RBFOX3: variants seen among roughly 807,000 people sequenced by gnomAD.
RBFOX3 encodes the protein RNA binding fox-1 homolog 3.
In RBFOX3, 17 loss-of-function variants were observed where a neutral mutation model predicts 48.7. That is an observed-to-expected ratio of 0.35 (90% CI 0.24 to 0.52). RBFOX3 has a LOEUF of 0.52. Ranked by LOEUF, RBFOX3 falls within the 20% of genes least tolerant of loss-of-function variation. The pLI is 0.94. For missense variants in RBFOX3, 382 were observed against 497.5 expected (o/e 0.77, Z 2.21); for synonymous variants, 212 against 209.5 (o/e 1.01, Z -0.10).
rs189677332 is a variant in RBFOX3, at chr17:79,286,540, G to T, written c.-74+21184C>A. On this transcript the variant is annotated intron_variant, in intron 3 of 14. Transcript: ENST00000693108. Reference sequence around the variant, plus strand: ...CCCCTGATGCTTATTAACTGTGCAGGGAGGGTTTGCCCATCCCTGGGCTGG... The same window carrying T: ...CCCCTGATGCTTATTAACTGTGCAGTGAGGGTTTGCCCATCCCTGGGCTGG... Among the ~76,000 whole-genome samples the T allele has an allele frequency of 3.1e-3, 473 of 152,326 alleles. 2 individuals are homozygous for T. Among genetic ancestry groups the T allele is most frequent in the African/African-American group, 0.011 (449 of 41,586 alleles).
At chr17:79,501,997 G>C in intron 1 of RBFOX3, among the ~76,000 whole-genome samples, 1 of 152,150 alleles carries the variant, frequency 6.6e-6, no homozygotes, top group East Asian at 1.9e-4. Flanking sequence ...ACCCGGCCAG[G>C]GTGAAGTGGA....
intron 3 of RBFOX3, among the ~76,000 whole-genome samples, chr17:79,301,747 C>T (rs1268087719): frequency 6.6e-6 from 1 of 152,180 alleles, no homozygotes; most frequent in African/African-American, 2.4e-5. Context: ...GGTTCCCCCA[C>T]CCATACGTTG....
At chr17:79,627,904 G>A in the RBFOX3 span, among the ~76,000 whole-genome samples, 12 of 152,082 alleles carry the variant, frequency 7.9e-5, no homozygotes, top group East Asian at 3.9e-4. Flanking sequence ...AAGTACAAGC[G>A]TAGACAAAAG....
At chr17:79,237,925 C>T (rs1023680164) in intron 3 of RBFOX3, among the ~76,000 whole-genome samples, 1 of 108,596 alleles carries the variant, frequency 9.2e-6, no homozygotes, top group African/African-American at 3.5e-5. Context: ...CTGCTGCCTT[C>T]GTTAATTTGG....
Position 79,567,892 on chromosome 17 carries a change from A to C in RBFOX3, c.-320+42934T>G. 1.3e-5 allele frequency among the ~76,000 whole-genome samples: 2 copies of C among 152,206 alleles called. 1 individual carries two copies. The highest frequency in any genetic ancestry group is 4.8e-5 in the African/African-American group (2 of 41,446). On this transcript the variant is annotated intron_variant, in intron 1 of 14. Transcript: ENST00000693108. ...TCAACACATTCAGAATTTGAAAATC[A>C]ATTTGAAATTCATATAAAAGAACCT... is the stretch of plus-strand genomic sequence containing the variant.
In RBFOX3 at chr17:79,217,001, C is replaced by T. The variant is rs528437485; in HGVS notation, c.-34+18765G>A. On this transcript the variant is annotated intron_variant, in intron 4 of 14. Transcript: ENST00000693108. ...TATCCCCAGGTGAAACATCCGAAGGCAGAGATACCCCCAAAGCAGGCAGGG... is the reference window on the plus strand; with the variant it reads ...TATCCCCAGGTGAAACATCCGAAGGTAGAGATACCCCCAAAGCAGGCAGGG... Among the ~76,000 whole-genome samples the T allele has an allele frequency of 1.2e-4, 19 of 152,310 alleles. No individual in the cohort carries two copies. The East Asian group carries it at 3.7e-3, about 29-fold the overall frequency.
In RBFOX3 at chr17:79,303,135, G is replaced by A. The variant is rs564139838; in HGVS notation, c.-74+4589C>T. 3.4e-3 allele frequency among the ~76,000 whole-genome samples: 519 copies of A among 152,304 alleles called. 4 individuals carry two copies. Among genetic ancestry groups the A allele is most frequent in the Middle Eastern group, 0.02 (6 of 294 alleles). ...GAGGTCGGAGGATCGCTTGGGCCTA[G>A]GGGTAGAGGCTGTAGTAAGCCTTAA... On this transcript the variant is annotated intron_variant, in intron 3 of 14. Transcript: ENST00000693108.
chr17:79,404,645 G>A (rs2063314356), intron 2 of RBFOX3, among the ~76,000 whole-genome samples: 1 of 146,126 alleles, frequency 6.8e-6, no homozygotes, highest in Admixed American at 6.9e-5. Flanking sequence ...CTAGCTTCTG[G>A]CCCTCCTCAC....
intron 1 of RBFOX3, among the ~76,000 whole-genome samples, chr17:79,534,502 G>A (rs1480101319): frequency 6.6e-6 from 1 of 152,214 alleles, no homozygotes; most frequent in Non-Finnish European, 1.5e-5. Context: ...TGAAATGGGA[G>A]CTCTGTGGGG....
chr17:79,257,033 C>G (rs953634631), intron 3 of RBFOX3, among the ~76,000 whole-genome samples: 6 of 152,166 alleles, frequency 3.9e-5, no homozygotes, highest in African/African-American at 1.4e-4. Flanking sequence ...TGGACTCCTG[C>G]TGTCTCTCCA....
At chr17:79,106,010 C>T (rs2077286137) in intron 6 of RBFOX3, among the ~76,000 whole-genome samples, 2 of 152,238 alleles carry the variant, frequency 1.3e-5, no homozygotes, top group African/African-American at 4.8e-5. Context: ...CCTGCACGTT[C>T]TCACGGTGAC....
chr17:79,261,416 T>C (rs749495451), intron 3 of RBFOX3, among the ~76,000 whole-genome samples: 4 of 152,206 alleles, frequency 2.6e-5, no homozygotes, highest in Non-Finnish European at 4.4e-5. Flanking sequence ...GCTTTTCTCT[T>C]GCAGAAAGTG....
At position 79,097,694 on chromosome 17, in the gene RBFOX3, G is replaced by C. The variant is rs1278348246; in HGVS notation, c.620C>G (p.Ala207Gly). 5.2e-6 allele frequency: 8 copies of C among 1,541,816 alleles called. No individual in the cohort carries two copies. The highest frequency in any genetic ancestry group is 7.0e-6 in the Non-Finnish European group (8 of 1,144,170). The change falls in exon 10 of 15, where the codon GCA (alanine) becomes GGA (glycine). Residue 207 changes from alanine (A) to glycine (G), a missense_variant and splice_region_variant. Transcript: ENST00000693108. ...CCCCGCCCCGCCCCAGCTTTTACCT[G>C]CATAGAATTCAGGCCCGTAGACTGC... The part of the protein sequence containing the change: ...VGAVYGPEFY[A>G]VTGFPYPTTG...
chr17:79,176,584 G>C (rs935425909), intron 4 of RBFOX3, among the ~76,000 whole-genome samples: 3 of 152,226 alleles, frequency 2.0e-5, no homozygotes, highest in African/African-American at 7.2e-5. Flanking sequence ...TTCTGGTCTC[G>C]AGTAATGCGA....
In RBFOX3 at chr17:79,439,241, G is replaced by T. The variant is rs571617852; in HGVS notation, c.-175+43213C>A. ...GGGGGCTTTATGGAGGGGAAGAGAGGCTGCTTGCAGAGCAGCACCCCGCTC... is the reference window on the plus strand; with the variant it reads ...GGGGGCTTTATGGAGGGGAAGAGAGTCTGCTTGCAGAGCAGCACCCCGCTC... On this transcript the variant is annotated intron_variant, in intron 2 of 14. Coordinates refer to ENST00000693108, the MANE Select transcript of RBFOX3 (RefSeq NM_001350451.2). Among the ~76,000 whole-genome samples, 6 of 152,336 alleles carry T rather than the reference G, an allele frequency of 3.9e-5. No individual in the cohort carries two copies. The East Asian group carries it at 1.2e-3, about 29-fold the overall frequency.
chr17:79,097,161 CTCCCACGA>C (rs1010792801), intron 11 of RBFOX3, 123 bp downstream of exon 11: 1 of 795,974 alleles, frequency 1.3e-6, no homozygotes. Flanking sequence ...AGTTCTGGGG[CTCCCACGA>C]TCCTCCCCCC....
chr17:79,460,023 C>T (rs2075165101), intron 2 of RBFOX3, among the ~76,000 whole-genome samples: 1 of 152,132 alleles, frequency 6.6e-6, no homozygotes, highest in Non-Finnish European at 1.5e-5. Context: ...GGGCAGGTTT[C>T]ACTCCATTTC....
chr17:79,487,992 C>T (rs111524090), intron 1 of RBFOX3, among the ~76,000 whole-genome samples: 10 of 150,162 alleles, frequency 6.7e-5, no homozygotes, highest in South Asian at 2.1e-4. Context: ...TTGCATCTGA[C>T]GACGGGATGG....
chr17:79,546,508 C>T (rs1246414526), intron 1 of RBFOX3, among the ~76,000 whole-genome samples: 1 of 150,796 alleles, frequency 6.6e-6, no homozygotes, highest in Non-Finnish European at 1.5e-5. Flanking sequence ...TGTCTGTAGC[C>T]CCCTCCATGC....
Sources: gnomAD v4.1 joint callset for allele counts (sites outside exome capture counted in the v4.1 genomes callset) on GRCh38, gnomAD v4.1.1 for gene constraint, MANE v1.5 for transcripts, NCBI Gene and HGNC (gene_info 2026-07-23, HGNC 2026-07-21) for gene names.